ELMO1: variants seen among roughly 807,000 people sequenced by gnomAD.
ELMO1 encodes the protein engulfment and cell motility protein 1.
Under a neutral mutation model 98.9 loss-of-function variants are expected in ELMO1, and 26 were observed. The observed-to-expected ratio is 0.26, with a 90% CI of 0.19 to 0.36. The LOEUF (loss-of-function observed/expected upper bound fraction) is 0.36. Ranked by LOEUF, ELMO1 falls within the 10% of genes least tolerant of loss-of-function variation. ELMO1 has a pLI of 1.00. For missense variants in ELMO1, 627 were observed against 935.2 expected (o/e 0.67, Z 4.30); for synonymous variants, 346 against 346.0 (o/e 1.00, Z 0.00).
chr7:37,432,653 G>A (rs1382249147), intron 1 of ELMO1, among the ~76,000 whole-genome samples: 5 of 152,232 alleles, frequency 3.3e-5, no homozygotes, highest in Non-Finnish European at 7.3e-5. Context: ...CTCTCAGAAT[G>A]TAATAAACGA....
intron 1 of ELMO1, among the ~76,000 whole-genome samples, chr7:37,440,771 A>AT (rs1805383405): frequency 1.3e-5 from 2 of 151,342 alleles, no homozygotes; most frequent in Admixed American, 1.3e-4. Flanking sequence ...TCCATCTCAA[A>AT]AAAAAAAAAA....
At chr7:37,040,825 C>G (rs1453542835) in intron 15 of ELMO1, among the ~76,000 whole-genome samples, 1 of 152,080 alleles carries the variant, frequency 6.6e-6, no homozygotes, top group Non-Finnish European at 1.5e-5. Flanking sequence ...TCCTCTAATC[C>G]CAGCACTTTG....
chr7:37,355,239 C>T (rs1801451556), intron 1 of ELMO1, among the ~76,000 whole-genome samples: 1 of 152,210 alleles, frequency 6.6e-6, no homozygotes, highest in Admixed American at 6.5e-5. Flanking sequence ...CCTCAGTATC[C>T]TCATCTGTGA....
intron 16 of ELMO1, among the ~76,000 whole-genome samples, chr7:36,928,422 C>T (rs1293942820): frequency 1.3e-5 from 2 of 152,210 alleles, no homozygotes; most frequent in East Asian, 1.9e-4. Flanking sequence ...AAATCAGGTG[C>T]AGAAGGCAAT....
intron 13 of ELMO1, among the ~76,000 whole-genome samples, chr7:37,183,085 A>G (rs1790982396): frequency 6.6e-6 from 1 of 152,206 alleles, no homozygotes; most frequent in South Asian, 2.1e-4. Context: ...GTGTGTTGAT[A>G]CACTAGAACA....
At chr7:37,081,180 A>C (rs888348409) in intron 15 of ELMO1, among the ~76,000 whole-genome samples, 1 of 152,230 alleles carries the variant, frequency 6.6e-6, no homozygotes, top group African/African-American at 2.4e-5. Context: ...TAAGAAAAAA[A>C]ATTGCAAACA....
At chr7:36,874,240 G>A (rs1803766663) in intron 19 of ELMO1, among the ~76,000 whole-genome samples, 1 of 152,224 alleles carries the variant, frequency 6.6e-6, no homozygotes, top group Non-Finnish European at 1.5e-5. Flanking sequence ...CTGGAGCTGA[G>A]ATCATTGTTG....
intron 15 of ELMO1, among the ~76,000 whole-genome samples, chr7:37,058,267 T>G (rs1216694834): frequency 6.6e-6 from 1 of 152,214 alleles, no homozygotes; most frequent in African/African-American, 2.4e-5. Context: ...TCATCTTCTC[T>G]GGGATGTTTC....
chr7:36,993,239 C>T (rs1020330805), intron 16 of ELMO1, among the ~76,000 whole-genome samples: 1 of 152,178 alleles, frequency 6.6e-6, no homozygotes, highest in Non-Finnish European at 1.5e-5. Flanking sequence ...CCCATAGGCC[C>T]AATGAGTCAC....
chr7:37,366,106 G>A (rs1380942011), intron 1 of ELMO1, among the ~76,000 whole-genome samples: 2 of 151,976 alleles, frequency 1.3e-5, no homozygotes, highest in African/African-American at 4.8e-5. Flanking sequence ...ATATTCAAAG[G>A]GGCTAAAAGA....
intron 16 of ELMO1, among the ~76,000 whole-genome samples, chr7:36,918,568 T>A (rs1784890872): frequency 6.6e-6 from 1 of 152,080 alleles, no homozygotes; most frequent in South Asian, 2.1e-4. Flanking sequence ...ATGTGTATCA[T>A]CATCTCTAAG....
intron 16 of ELMO1, among the ~76,000 whole-genome samples, chr7:36,912,601 GGAAA>G (rs1374573042): frequency 6.6e-6 from 1 of 152,112 alleles, no homozygotes; most frequent in Non-Finnish European, 1.5e-5. Flanking sequence ...GTAGAAAGGA[GGAAA>G]GAGATCAATG....
chr7:37,145,680 TA>T (rs1291979252), intron 13 of ELMO1, among the ~76,000 whole-genome samples: 2 of 152,360 alleles, frequency 1.3e-5, no homozygotes, highest in East Asian at 3.9e-4. Flanking sequence ...GAGATGATGA[TA>T]ACAATGCTTG....
At chr7:37,038,537 T>C (rs1795321832) in intron 15 of ELMO1, among the ~76,000 whole-genome samples, 1 of 152,216 alleles carries the variant, frequency 6.6e-6, no homozygotes, top group Admixed American at 6.5e-5. Context: ...AGTCATTGCT[T>C]TTTTTGAATT....
At chr7:37,036,179 G>A (rs543008122) in intron 15 of ELMO1, among the ~76,000 whole-genome samples, 6 of 151,582 alleles carry the variant, frequency 4.0e-5, no homozygotes, top group South Asian at 2.1e-4. Flanking sequence ...TCAAATTGTC[G>A]CAAATCTCTA....
chr7:37,063,963 C>A (rs986730877), intron 15 of ELMO1, among the ~76,000 whole-genome samples: 1 of 152,128 alleles, frequency 6.6e-6, no homozygotes, highest in Non-Finnish European at 1.5e-5. Context: ...GCTCTTTCTG[C>A]CAAATTGCCT....
chr7:37,144,095 T>A (rs952258696), intron 13 of ELMO1, among the ~76,000 whole-genome samples: 3 of 152,122 alleles, frequency 2.0e-5, no homozygotes, highest in Non-Finnish European at 4.4e-5. Flanking sequence ...ATAAACCACA[T>A]CCTAATTTTC....
chr7:37,305,949 C>T (rs1441500024), intron 4 of ELMO1, among the ~76,000 whole-genome samples: 1 of 152,202 alleles, frequency 6.6e-6, no homozygotes, highest in Non-Finnish European at 1.5e-5. Flanking sequence ...ATACCTGTAG[C>T]AGCAGAGAGG....
At chr7:36,953,841 G>T (rs1382296857) in intron 16 of ELMO1, among the ~76,000 whole-genome samples, 18 of 4,004 alleles carry the variant, frequency 4.5e-3, no homozygotes, top group South Asian at 0.022. Context: ...GGTATGTTTT[G>T]TGTGTGTGTG....
Sources: allele counts gnomAD v4.1 joint callset (sites outside exome capture counted in the v4.1 genomes callset), GRCh38; gene constraint gnomAD v4.1.1; transcripts MANE v1.5; gene names NCBI Gene and HGNC (gene_info 2026-07-23, HGNC 2026-07-21).